MYCT1: variants seen among roughly 807,000 people sequenced by gnomAD.
The protein encoded by MYCT1 is myc target protein 1.
Under a neutral mutation model 15.0 loss-of-function variants are expected in MYCT1, and 12 were observed. The observed-to-expected ratio is 0.80, with a 90% CI of 0.51 to 1.29. The LOEUF is 1.29. Among genes scored for constraint, MYCT1 ranks in the 50% most tolerant of loss-of-function variants. MYCT1 has a pLI of 0.00. For synonymous variants in MYCT1, 104 were observed against 102.7 expected, an observed-to-expected ratio of 1.01 and a Z score of -0.07; for missense variants, 287 against 279.1, an observed-to-expected ratio of 1.03 and a Z score of -0.20.
the MYCT1 span, among the ~76,000 whole-genome samples, chr6:152,744,106 A>G: frequency 6.6e-6 from 1 of 151,824 alleles, no homozygotes; most frequent in Middle Eastern, 3.2e-3. Flanking sequence ...CTGGCAGCAC[A>G]TTGACCTTTT....
the MYCT1 span, among the ~76,000 whole-genome samples, chr6:152,745,587 G>T: frequency 6.6e-6 from 1 of 152,132 alleles, no homozygotes; most frequent in Admixed American, 6.5e-5. Context: ...AAGAGGATTT[G>T]TCTCCTCTTT....
chr6:152,731,235 G>A, the MYCT1 span, among the ~76,000 whole-genome samples: 5 of 151,848 alleles, frequency 3.3e-5, no homozygotes, highest in Admixed American at 2.0e-4. Context: ...AAAAAGTCGG[G>A]CAAGATGAAA....
chr6:152,742,210 C>T, the MYCT1 span, among the ~76,000 whole-genome samples: 7 of 152,082 alleles, frequency 4.6e-5, no homozygotes, highest in Non-Finnish European at 7.3e-5. Flanking sequence ...AACAAGGGCC[C>T]AAAATCACAG....
intron 1 of MYCT1, among the ~76,000 whole-genome samples, chr6:152,702,211 T>C (rs1033461449): frequency 1.3e-5 from 2 of 152,178 alleles, no homozygotes; most frequent in African/African-American, 4.8e-5. Context: ...GGAAATTGAC[T>C]CATAGGCCAT....
chr6:152,698,403 G>A (rs1039122929), intron 1 of MYCT1, among the ~76,000 whole-genome samples: 4 of 151,914 alleles, frequency 2.6e-5, no homozygotes, highest in Non-Finnish European at 4.4e-5. Context: ...AAATAGTGAG[G>A]ATAAAAATAA....
the MYCT1 span, among the ~76,000 whole-genome samples, chr6:152,729,915 C>G: frequency 6.6e-6 from 1 of 152,140 alleles, no homozygotes; most frequent in South Asian, 2.1e-4. Context: ...AGGCAAATAT[C>G]TTCCAGATGG....
the MYCT1 span, among the ~76,000 whole-genome samples, chr6:152,739,670 T>C: frequency 6.6e-6 from 1 of 152,246 alleles, no homozygotes; most frequent in East Asian, 1.9e-4. Context: ...TATTACCCAT[T>C]TGCAATGAAT....
At chr6:152,708,727 G>A (rs911434665) in intron 1 of MYCT1, among the ~76,000 whole-genome samples, 4 of 151,968 alleles carry the variant, frequency 2.6e-5, no homozygotes, top group African/African-American at 9.7e-5. Context: ...ATTTCTGATG[G>A]TCTCAATTTC....
chr6:152,745,182 C>T, the MYCT1 span, among the ~76,000 whole-genome samples: 1 of 152,176 alleles, frequency 6.6e-6, no homozygotes, highest in African/African-American at 2.4e-5. Context: ...GATATAGGGT[C>T]CCTGGCAGGC....
intron 1 of MYCT1, among the ~76,000 whole-genome samples, chr6:152,708,737 C>T (rs1298205345): frequency 1.3e-5 from 2 of 152,100 alleles, no homozygotes; most frequent in East Asian, 3.9e-4. Flanking sequence ...GTCTCAATTT[C>T]TTCTTAAAGA....
At chr6:152,742,681 C>T in the MYCT1 span, among the ~76,000 whole-genome samples, 4 of 152,220 alleles carry the variant, frequency 2.6e-5, no homozygotes, top group South Asian at 8.3e-4. Context: ...GGAGGCCGGG[C>T]CTTCTTTAGT....
intron 1 of MYCT1, among the ~76,000 whole-genome samples, chr6:152,703,582 C>T (rs1413916913): frequency 7.4e-6 from 1 of 135,436 alleles, no homozygotes; most frequent in East Asian, 2.7e-4. Context: ...ATATCATTAA[C>T]AGGAATTCAA....
chr6:152,741,472 G>A, the MYCT1 span, among the ~76,000 whole-genome samples: 1 of 152,194 alleles, frequency 6.6e-6, no homozygotes, highest in African/African-American at 2.4e-5. Flanking sequence ...AACTTATAAT[G>A]TACCAGGTAT....
chr6:152,737,915 A>T, the MYCT1 span, among the ~76,000 whole-genome samples: 1 of 152,118 alleles, frequency 6.6e-6, no homozygotes, highest in South Asian at 2.1e-4. Flanking sequence ...TTCTTCTCTC[A>T]GTTTCTCCAG....
chr6:152,745,054 G>A, the MYCT1 span, among the ~76,000 whole-genome samples: 1 of 152,120 alleles, frequency 6.6e-6, no homozygotes, highest in Non-Finnish European at 1.5e-5. Flanking sequence ...GGAGACATGT[G>A]GCCTCCAGGG....
chr6:152,702,202 G>A (rs2099721442), intron 1 of MYCT1, among the ~76,000 whole-genome samples: 1 of 152,060 alleles, frequency 6.6e-6, no homozygotes, highest in Non-Finnish European at 1.5e-5. Context: ...TAGATGCATG[G>A]AAATTGACTC....
chr6:152,745,217 A>G, the MYCT1 span, among the ~76,000 whole-genome samples: 1 of 152,346 alleles, frequency 6.6e-6, no homozygotes, highest in South Asian at 2.1e-4. Context: ...CCATGACTAT[A>G]CACAATTCAA....
intron 1 of MYCT1, among the ~76,000 whole-genome samples, chr6:152,701,246 A>G (rs1565389092): frequency 2.0e-5 from 3 of 152,190 alleles, no homozygotes; most frequent in Non-Finnish European, 1.5e-5. Context: ...TTCGCTGACC[A>G]TATTAGGCAA....
chr6:152,746,532 G>A, the MYCT1 span, among the ~76,000 whole-genome samples: 2 of 152,166 alleles, frequency 1.3e-5, no homozygotes, highest in Admixed American at 6.5e-5. Context: ...TTGACCACAG[G>A]TAACTGAAAT....
Sources: allele counts gnomAD v4.1 joint callset (sites outside exome capture counted in the v4.1 genomes callset), GRCh38; gene constraint gnomAD v4.1.1; transcripts MANE v1.5; gene names NCBI Gene and HGNC (gene_info 2026-07-23, HGNC 2026-07-21).